Variants in FCN1 observed in about 807,000 individuals in gnomAD.
The protein encoded by FCN1 is ficolin 1.
In FCN1, 42 loss-of-function variants were observed where a neutral mutation model predicts 35.6. The ratio of observed to expected loss-of-function variants is 1.18; its 90% CI spans 0.92 to 1.53. FCN1 has a LOEUF of 1.53. FCN1 is among the 40% of genes most tolerant of loss of function. The pLI is 0.00. For synonymous variants in FCN1, 179 were observed against 169.8 expected (o/e 1.05, Z -0.42); for missense variants, 439 against 428.4 (o/e 1.02, Z -0.22).
rs1305427203 is a variant in FCN1 at position 134,907,944 on chromosome 9, T to C, written c.*1854A>G. The C allele has an allele frequency of 6.6e-6, 1 of 152,092 alleles. No homozygotes were observed. The highest frequency in any genetic ancestry group is 1.9e-4 in the East Asian group (1 of 5,184). The allele number at this position is 152,092 out of a possible 1,614,324, so 9.4% of individuals were successfully genotyped here. On this transcript the variant is annotated 3_prime_UTR_variant, in exon 9 of 9. Coordinates refer to ENST00000371806, the MANE Select transcript of FCN1 (RefSeq NM_002003.5). ...CTCCCTGGTACACATGACGGCCATA[T>C]CCAGGCCCTGATGTGGGACTGGCAG...
rs180975999 is a variant in FCN1, at chr9:134,909,737, C to T, written c.*61G>A. 2.2e-4 allele frequency: 354 copies of T among 1,602,030 alleles called. 1 individual carries two copies. In the East Asian group the frequency reaches 5.8e-3, roughly 26 times the overall value. ...TGGGGAAATGGGGTGACTTCCACGA[C>T]GCAGCGCTTGTGGGTGTGGCCTCCC... is the stretch of plus-strand genomic sequence containing the variant. On this transcript the variant is annotated 3_prime_UTR_variant, in exon 9 of 9. Transcript: ENST00000371806.
intron 6 of FCN1, among the ~76,000 whole-genome samples, 185 bp from the exon 7 acceptor site, chr9:134,912,800 A>G (rs1831041027): frequency 6.6e-6 from 1 of 152,202 alleles, no homozygotes; most frequent in South Asian, 2.1e-4. Context: ...CTCAGAGAAG[A>G]GAGGCAACAA....
rs958123696 is a variant in FCN1 at position 134,905,489 on chromosome 9, C to T, written c.*4309G>A. ...TTCATCTCTTCATAAGCTTGCTTTG[C>T]TTCTTTTATTTTGAGACAGAGTCTC... On this transcript the variant is annotated 3_prime_UTR_variant, in exon 9 of 9. Coordinates refer to ENST00000371806, the MANE Select transcript of FCN1 (RefSeq NM_002003.5). Among the ~76,000 whole-genome samples the T allele has an allele frequency of 2.0e-5, 3 of 152,046 alleles. No individual in the cohort carries two copies. Among genetic ancestry groups the T allele is most frequent in the African/African-American group, 7.2e-5 (3 of 41,390 alleles).
At chr9:134,917,282 C>G (rs530841656) in intron 1 of FCN1, among the ~76,000 whole-genome samples, 1 of 152,304 alleles carries the variant, frequency 6.6e-6, no homozygotes, top group Non-Finnish European at 1.5e-5. Context: ...GTCACAGAAC[C>G]ACCTGCTCCT....
At chr9:134,912,371 G>T in intron 7 of FCN1, 115 bp downstream of exon 7, 1 of 1,088,250 alleles carries the variant, frequency 9.2e-7, no homozygotes, top group Non-Finnish European at 1.3e-6. Flanking sequence ...ACCTGAGTGT[G>T]CTCAGGGCCC....
intron 5 of FCN1, 56 bp from the exon 6 acceptor site, chr9:134,913,199 G>T: frequency 6.2e-7 from 1 of 1,606,096 alleles, no homozygotes; most frequent in Non-Finnish European, 8.5e-7. Context: ...CAGGACAGGG[G>T]CAGTGGGAGG....
intron 1 of FCN1, among the ~76,000 whole-genome samples, chr9:134,917,548 C>G (rs954374238): frequency 6.6e-6 from 1 of 152,174 alleles, no homozygotes; most frequent in African/African-American, 2.4e-5. Flanking sequence ...CCTGGGCTTT[C>G]GAGGCAGACA....
rs915957597 is a variant in FCN1, at chr9:134,909,087, T to C, written c.*711A>G. ...CCTTGTGCAGCTTTTCCCACTGAGG[T>C]CCGCGGTCCCCTCTAGCTGAGGTCT... On this transcript the variant is annotated 3_prime_UTR_variant, in exon 9 of 9. Transcript: ENST00000371806. 1 of 641,270 alleles carries C rather than the reference T, an allele frequency of 1.6e-6. No homozygotes were observed. Among genetic ancestry groups the C allele is most frequent in the Non-Finnish European group, 2.3e-6 (1 of 438,240 alleles). 39.7% of individuals were successfully genotyped at this position (641,270 alleles called of 1,614,324 possible).
Position 134,909,371 on chromosome 9 carries a change from T to A in FCN1, c.*427A>T. The stretch of plus-strand genomic sequence containing the variant: ...TGGGGGGATGGGGGAGGCTTGGGGG[T>A]GGAGGTGAGGATCGCCCTGTGTCAA... On this transcript the variant is annotated 3_prime_UTR_variant, in exon 9 of 9. Transcript: ENST00000371806. 1.2e-5 allele frequency: 15 copies of A among 1,269,374 alleles called. No homozygotes were observed. The highest frequency in any genetic ancestry group is 1.5e-5 in the Non-Finnish European group (15 of 971,832). 78.6% of individuals were successfully genotyped at this position (1,269,374 alleles called of 1,614,324 possible). A position where few individuals can be genotyped will look rare whatever the true frequency, so the allele number is the denominator to read the frequency against.
In FCN1 at chr9:134,905,030, T is replaced by C. The variant is rs1265655856; in HGVS notation, c.*4768A>G. Among the ~76,000 whole-genome samples the C allele has an allele frequency of 6.6e-6, 1 of 152,074 alleles. No homozygotes were observed. Among genetic ancestry groups the C allele is most frequent in the African/African-American group, 2.4e-5 (1 of 41,388 alleles). On this transcript the variant is annotated 3_prime_UTR_variant, in exon 9 of 9. Coordinates refer to ENST00000371806, the MANE Select transcript of FCN1 (RefSeq NM_002003.5). ...AAAAAGCAGAAGGGAGTGAATGTAG[T>C]TAGAGGTGTTTCAAAGTCTTCATTG...
rs1328637265 is a variant in FCN1 at position 134,917,902 on chromosome 9, C to T, written c.-31G>A. The T allele has an allele frequency of 2.7e-6, 4 of 1,485,964 alleles. No individual in the cohort carries two copies. The African/African-American group carries it at 5.5e-5, about 21-fold the overall frequency. 92.0% of individuals were successfully genotyped at this position (1,485,964 alleles called of 1,614,324 possible). On this transcript the variant is annotated 5_prime_UTR_variant, in exon 1 of 9. Transcript: ENST00000371806. Reference sequence around the variant, plus strand: ...CTGGCCTTTGACTCTGAAGAGTCCCCCAGCTCTAACAGGGCAGAGGAAACC... The same window carrying T: ...CTGGCCTTTGACTCTGAAGAGTCCCTCAGCTCTAACAGGGCAGAGGAAACC...
chr9:134,905,348 C>G lies in FCN1; in HGVS notation c.*4450G>C, dbSNP rs886381920. ...ATGGCCAGGAAGAAGAGCACTGGCC[C>G]AAGAGGAGGAGGGCTTGATTTCTTT... On this transcript the variant is annotated 3_prime_UTR_variant, in exon 9 of 9. Transcript: ENST00000371806. 2.6e-5 allele frequency among the ~76,000 whole-genome samples: 4 copies of G among 152,168 alleles called. No individual in the cohort carries two copies. The highest frequency in any genetic ancestry group is 6.5e-5 in the Admixed American group (1 of 15,280).
In FCN1 at chr9:134,909,870, A is replaced by G; in HGVS notation, c.909T>C (p.Gly303=). ...LMGPHESYAN[G]INWSAAKGYK... ...ACCCCTTCGCCGCACTCCAGTTGAT[A>G]CCATTGGCATAGCTCTCATGGGGTC... The change falls in exon 9 of 9, where the codon GGT becomes GGC. Residue 303 remains glycine (G), a synonymous_variant. Coordinates refer to ENST00000371806, the MANE Select transcript of FCN1 (RefSeq NM_002003.5). The G allele has an allele frequency of 3.1e-6, 5 of 1,614,014 alleles. No homozygotes were observed. Among genetic ancestry groups the G allele is most frequent in the Non-Finnish European group, 3.4e-6 (4 of 1,180,004 alleles).
intron 4 of FCN1, 83 bp downstream of exon 4, chr9:134,914,302 T>C (rs1447498509): frequency 2.5e-6 from 3 of 1,216,880 alleles, no homozygotes; most frequent in Non-Finnish European, 3.7e-6. Context: ...ACGTGGGCGG[T>C]GGGCAGGCGG....
chr9:134,915,533 A>T (rs980327816), intron 2 of FCN1, among the ~76,000 whole-genome samples: 3 of 152,096 alleles, frequency 2.0e-5, no homozygotes, highest in African/African-American at 7.2e-5. Context: ...TCAGCAGGGG[A>T]TCGGGACCGC....
At position 134,906,283 on chromosome 9, in the gene FCN1, A is replaced by G. The variant is rs1436358392; in HGVS notation, c.*3515T>C. ...TTAATGTTCAGTTTCTGAAAGCTACAAATTCAAAAACTCAATTCATCCTGA... is the reference window on the plus strand; with the variant it reads ...TTAATGTTCAGTTTCTGAAAGCTACGAATTCAAAAACTCAATTCATCCTGA... On this transcript the variant is annotated 3_prime_UTR_variant, in exon 9 of 9. Coordinates refer to ENST00000371806, the MANE Select transcript of FCN1 (RefSeq NM_002003.5). 1 of 152,198 alleles carries G rather than the reference A, an allele frequency of 6.6e-6. No individual in the cohort carries two copies. The highest frequency in any genetic ancestry group is 1.5e-5 in the Non-Finnish European group (1 of 68,036). The allele number at this position is 152,198 out of a possible 1,614,324, so 9.4% of individuals were successfully genotyped here. A position where few individuals can be genotyped will look rare whatever the true frequency, so the allele number is the denominator to read the frequency against.
intron 7 of FCN1, among the ~76,000 whole-genome samples, chr9:134,912,110 T>C (rs1831030432): frequency 6.6e-6 from 1 of 152,130 alleles, no homozygotes; most frequent in Admixed American, 6.5e-5. Flanking sequence ...TGCTGAGGCG[T>C]GGGCTGGAGG....
In FCN1 at chr9:134,905,993, A is replaced by C. The variant is rs534169894; in HGVS notation, c.*3805T>G. 9.3e-4 allele frequency: 75 copies of C among 80,994 alleles called. No homozygotes were observed. Among genetic ancestry groups the C allele is most frequent in the Non-Finnish European group, 1.0e-3 (42 of 40,134 alleles). 5.0% of individuals were successfully genotyped at this position (80,994 alleles called of 1,614,324 possible). A position where few individuals can be genotyped will look rare whatever the true frequency, so the allele number is the denominator to read the frequency against. On this transcript the variant is annotated 3_prime_UTR_variant, in exon 9 of 9. Coordinates refer to ENST00000371806, the MANE Select transcript of FCN1 (RefSeq NM_002003.5). ...TCTCCTTCTTCTTCTTCTTCTTTTT[A>C]TTTTTATTTTTTTTTTGAGGCGGAA... is the stretch of plus-strand genomic sequence containing the variant.
chr9:134,914,638 G>A (rs1588153124), intron 3 of FCN1, 118 bp downstream of exon 3: 1 of 928,756 alleles, frequency 1.1e-6, no homozygotes, highest in African/African-American at 1.7e-5. Flanking sequence ...TCTCTCTGTT[G>A]CCGTGTCTCT....
Sources: gnomAD v4.1 joint callset for allele counts (sites outside exome capture counted in the v4.1 genomes callset) on GRCh38, gnomAD v4.1.1 for gene constraint, MANE v1.5 for transcripts, NCBI Gene and HGNC (gene_info 2026-07-23, HGNC 2026-07-21) for gene names.